C1QTNF7: variants seen among roughly 807,000 people sequenced by gnomAD.
The protein encoded by C1QTNF7 is C1q and TNF related 7.
Under a neutral mutation model 19.6 loss-of-function variants are expected in C1QTNF7, and 15 were observed. That is an observed-to-expected ratio of 0.76 (90% CI 0.51 to 1.18). C1QTNF7 has a LOEUF of 1.18. C1QTNF7 is among the 50% of genes most tolerant of loss of function. The probability of loss-of-function intolerance (pLI) is 0.00; values close to 1 mark genes in which losing one functional copy is unlikely to be tolerated. For synonymous variants in C1QTNF7, 142 were observed against 137.5 expected (o/e 1.03, Z -0.23); for missense variants, 324 against 359.7 (o/e 0.90, Z 0.80).
At chr4:15,395,193 T>C (rs546240741) in intron 1 of C1QTNF7, among the ~76,000 whole-genome samples, 1 of 152,258 alleles carries the variant, frequency 6.6e-6, no homozygotes, top group South Asian at 2.1e-4. Context: ...GACTGGCTAC[T>C]TGGAATAAGT....
intron 1 of C1QTNF7, among the ~76,000 whole-genome samples, chr4:15,372,431 C>T (rs1439412070): frequency 6.6e-6 from 1 of 152,160 alleles, no homozygotes; most frequent in Admixed American, 6.5e-5. Context: ...ACGCTGGCAC[C>T]CAGATCTCAG....
At chr4:15,410,913 A>G (rs1466822993) in intron 1 of C1QTNF7, among the ~76,000 whole-genome samples, 1 of 152,206 alleles carries the variant, frequency 6.6e-6, no homozygotes, top group East Asian at 1.9e-4. Flanking sequence ...TACAATATCA[A>G]CATCAATTTC....
chr4:15,441,039 G>A (rs1405031307), intron 2 of C1QTNF7, among the ~76,000 whole-genome samples: 2 of 152,124 alleles, frequency 1.3e-5, no homozygotes, highest in African/African-American at 2.4e-5. Flanking sequence ...CTACTCAGGA[G>A]GCTGAGGCAG....
At chr4:15,438,587 T>C (rs575169050) in intron 2 of C1QTNF7, among the ~76,000 whole-genome samples, 1 of 152,326 alleles carries the variant, frequency 6.6e-6, no homozygotes, top group East Asian at 1.9e-4. Flanking sequence ...AAAGTATCTG[T>C]CTCCCTCACT....
At chr4:15,384,067 T>C (rs1718243525) in intron 1 of C1QTNF7, among the ~76,000 whole-genome samples, 1 of 152,194 alleles carries the variant, frequency 6.6e-6, no homozygotes. Context: ...CTCACAGCTG[T>C]GTCCACTGAG....
At chr4:15,351,942 G>C (rs900264208) in intron 1 of C1QTNF7, among the ~76,000 whole-genome samples, 1 of 152,188 alleles carries the variant, frequency 6.6e-6, no homozygotes, top group Admixed American at 6.5e-5. Context: ...GAAGGAGAAA[G>C]GGAGATAGCT....
chr4:15,421,051 CAT>C lies in C1QTNF7; in HGVS notation c.14-14684_14-14683del, dbSNP rs1711735244. ...ATAGCTCTTGACCCTGAACTTGGCT[CAT>C]GTCCTCAGGCACCCTCCCCACAAAA... On this transcript the variant is annotated intron_variant, in intron 1 of 2. Transcript: ENST00000295297. Among the ~76,000 whole-genome samples the C allele has an allele frequency of 1.3e-5, 2 of 151,680 alleles. 1 individual carries two copies. The highest frequency in any genetic ancestry group is 4.2e-4 in the South Asian group (2 of 4,808).
exon 1 of C1QTNF7, chr4:15,340,025 C>A: frequency 1.2e-6 from 1 of 818,952 alleles, no homozygotes; most frequent in Non-Finnish European, 2.0e-6. Context: ...AACGCATTCT[C>A]ATGCTCAGAC....
chr4:15,369,708 A>C (rs1717654165), intron 1 of C1QTNF7, among the ~76,000 whole-genome samples: 1 of 152,226 alleles, frequency 6.6e-6, no homozygotes, highest in African/African-American at 2.4e-5. Context: ...ATACACTGGG[A>C]ATGCCTTTGT....
intron 1 of C1QTNF7, among the ~76,000 whole-genome samples, chr4:15,340,814 T>C (rs1296059307): frequency 6.6e-6 from 1 of 152,214 alleles, no homozygotes; most frequent in African/African-American, 2.4e-5. Flanking sequence ...TCAACATTCA[T>C]TAATTCAAGT....
At position 15,442,384 on chromosome 4, in the gene C1QTNF7, T is replaced by C. The variant is rs149975018; in HGVS notation, c.455T>C (p.Val152Ala). Residue 152 changes from valine to alanine, a missense_variant, in exon 3 of 3, where the codon GTT (valine) becomes GCT (alanine). Physicochemically the swap from Val to Ala is moderately conservative, Grantham distance 64. Coordinates refer to ENST00000444304, the MANE Select transcript of C1QTNF7 (RefSeq NM_031911.5). ...GSIVLKSAFS[V>A]GITTSYPEER... ...ATCGTGCTCAAATCCGCCTTTTCTG[T>C]TGGCATCACAACCAGCTACCCAGAA... 11 of 1,614,068 alleles carry C rather than the reference T, an allele frequency of 6.8e-6. No homozygotes were observed. Among genetic ancestry groups the C allele is most frequent in the Admixed American group, 3.3e-5 (2 of 59,998 alleles).
intron 1 of C1QTNF7, among the ~76,000 whole-genome samples, chr4:15,431,961 G>A (rs370451019): frequency 6.6e-6 from 1 of 152,212 alleles, no homozygotes; most frequent in African/African-American, 2.4e-5. Flanking sequence ...TGTTAAGCAC[G>A]GTGATAAGGG....
At chr4:15,400,261 G>A (rs1160607364) in intron 1 of C1QTNF7, among the ~76,000 whole-genome samples, 1 of 152,196 alleles carries the variant, frequency 6.6e-6, no homozygotes, top group African/African-American at 2.4e-5. Flanking sequence ...AACATTTACA[G>A]TCTGTATATT....
At chr4:15,393,841 T>C (rs985514761) in intron 1 of C1QTNF7, among the ~76,000 whole-genome samples, 1 of 152,214 alleles carries the variant, frequency 6.6e-6, no homozygotes, top group Non-Finnish European at 1.5e-5. Context: ...CCTTTCTGGA[T>C]ACAAGAGACA....
At chr4:15,368,870 G>T (rs6449130) in intron 1 of C1QTNF7, among the ~76,000 whole-genome samples, 71,362 of 152,138 alleles carry the variant, frequency 0.47, 18,014 homozygotes, top group African/African-American at 0.65. Context: ...AAGACTTGCA[G>T]AGTTCTTTAG....
chr4:15,372,935 GGA>G (rs1446768312), intron 1 of C1QTNF7, among the ~76,000 whole-genome samples: 1 of 88,720 alleles, frequency 1.1e-5, no homozygotes, highest in African/African-American at 7.1e-5. Context: ...AGGAAAAGGG[GGA>G]AAAAAAGTCA....
rs577842302 is a variant in C1QTNF7 at position 15,369,654 on chromosome 4, G to A, written c.13+29447G>A. On this transcript the variant is annotated intron_variant, in intron 1 of 2. Coordinates refer to the C1QTNF7 transcript ENST00000295297. ...AAAACTGAGCAATTAACAGCCCAAC[G>A]AATAGCTAAAAATCTTTTGTGGTAA... Among the ~76,000 whole-genome samples, 160 of 152,206 alleles carry A rather than the reference G, an allele frequency of 1.1e-3. No homozygotes were observed. In the Middle Eastern group the frequency reaches 0.014, roughly 13 times the overall value.
chr4:15,368,464 C>T (rs1048470510), intron 1 of C1QTNF7, among the ~76,000 whole-genome samples: 8 of 152,020 alleles, frequency 5.3e-5, no homozygotes, highest in Non-Finnish European at 1.2e-4. Context: ...TGACAGGCCC[C>T]GGTGTGTGAT....
At chr4:15,437,812 A>G (rs1159060985) in intron 2 of C1QTNF7, among the ~76,000 whole-genome samples, 1 of 152,228 alleles carries the variant, frequency 6.6e-6, no homozygotes, top group East Asian at 1.9e-4. Context: ...ATTGCAGGAT[A>G]TTCAATAGCA....
Sources: allele counts gnomAD v4.1 joint callset (sites outside exome capture counted in the v4.1 genomes callset), GRCh38; gene constraint gnomAD v4.1.1; transcripts MANE v1.5; gene names NCBI Gene and HGNC (gene_info 2026-07-23, HGNC 2026-07-21).